BMPR1B: variants seen among roughly 807,000 people sequenced by gnomAD.
The protein encoded by BMPR1B is bone morphogenetic protein receptor type-1B.
Under a neutral mutation model 59.1 loss-of-function variants are expected in BMPR1B, and 12 were observed. The ratio of observed to expected loss-of-function variants is 0.20; its 90% CI spans 0.13 to 0.33. The LOEUF is 0.33. BMPR1B is among the 10% of genes least tolerant of loss of function. The pLI is 1.00. For missense variants in BMPR1B, 550 were observed against 610.9 expected (o/e 0.90, Z 1.05); for synonymous variants, 237 against 207.3 (o/e 1.14, Z -1.23).
At chr4:95,137,327 A>C (rs959725131) in intron 10 of BMPR1B, among the ~76,000 whole-genome samples, 6 of 152,190 alleles carry the variant, frequency 3.9e-5, no homozygotes, top group Non-Finnish European at 8.8e-5. Context: ...CTTTACTTCC[A>C]ACTATGTGGT....
chr4:94,795,934 A>G (rs1171407612), intron 1 of BMPR1B, among the ~76,000 whole-genome samples: 2 of 151,578 alleles, frequency 1.3e-5, no homozygotes, highest in Non-Finnish European at 2.9e-5. Context: ...CGGTCAGCAA[A>G]TTCAGTCAGG....
intron 1 of BMPR1B, among the ~76,000 whole-genome samples, chr4:94,853,477 A>G (rs1725638776): frequency 6.6e-6 from 1 of 152,182 alleles, no homozygotes; most frequent in African/African-American, 2.4e-5. Flanking sequence ...TATTCTCTCC[A>G]TGAGGATAAT....
At chr4:94,848,904 T>C (rs1455320591) in intron 1 of BMPR1B, among the ~76,000 whole-genome samples, 1 of 152,154 alleles carries the variant, frequency 6.6e-6, no homozygotes, top group Non-Finnish European at 1.5e-5. Flanking sequence ...TTTTTCCAGA[T>C]GACATGATGG....
intron 1 of BMPR1B, among the ~76,000 whole-genome samples, chr4:94,845,591 C>G (rs893903633): frequency 2.0e-5 from 3 of 152,186 alleles, no homozygotes; most frequent in Non-Finnish European, 4.4e-5. Context: ...AGCCACTCGC[C>G]TGGGCCTCCC....
intron 1 of BMPR1B, 47 bp from the exon 2 acceptor site, chr4:94,875,782 CTT>C (rs1180356923): frequency 1.3e-5 from 2 of 152,580 alleles, no homozygotes; most frequent in African/African-American, 4.8e-5. Context: ...AATAATAAAC[CTT>C]TCTCAAGCCA....
intron 2 of BMPR1B, among the ~76,000 whole-genome samples, chr4:94,950,165 C>T (rs1386308592): frequency 1.3e-5 from 2 of 151,962 alleles, no homozygotes; most frequent in East Asian, 1.9e-4. Flanking sequence ...TGTTTAAGTT[C>T]CTTGTAGATT....
At chr4:94,899,782 A>C (rs893075018) in intron 2 of BMPR1B, among the ~76,000 whole-genome samples, 3 of 152,080 alleles carry the variant, frequency 2.0e-5, no homozygotes, top group Admixed American at 6.6e-5. Flanking sequence ...GAGGAAATTA[A>C]AACTTTTCCT....
chr4:95,152,907 AT>A, intron 12 of BMPR1B, 134 bp downstream of exon 12: 1 of 1,142,438 alleles, frequency 8.8e-7, no homozygotes, highest in Non-Finnish European at 1.3e-6. Context: ...CATTGCAGTA[AT>A]TTATATGAAG....
chr4:95,050,479 A>G (rs907016150), intron 3 of BMPR1B, among the ~76,000 whole-genome samples: 2 of 152,150 alleles, frequency 1.3e-5, no homozygotes, highest in Non-Finnish European at 2.9e-5. Context: ...AAAACAAAAA[A>G]AACATTGTTG....
intron 3 of BMPR1B, among the ~76,000 whole-genome samples, chr4:95,030,783 G>T (rs998305113): frequency 1.5e-4 from 23 of 152,050 alleles, no homozygotes; most frequent in Non-Finnish European, 8.8e-5. Context: ...GCTTCAAAGA[G>T]AATAAAATAC....
chr4:95,060,258 A>G (rs1727253433), intron 3 of BMPR1B, among the ~76,000 whole-genome samples: 1 of 152,208 alleles, frequency 6.6e-6, no homozygotes, highest in South Asian at 2.1e-4. Flanking sequence ...TCAAGATAAT[A>G]AAGTTCAGTT....
intron 3 of BMPR1B, among the ~76,000 whole-genome samples, chr4:95,096,621 A>ATT (rs1012783126): frequency 2.5e-4 from 38 of 149,980 alleles, no homozygotes; most frequent in African/African-American, 9.0e-4. Context: ...ATGAGAACCA[A>ATT]TTTTAGAGTG....
chr4:94,955,600 T>C lies in BMPR1B; in HGVS notation c.-112-40440T>C, dbSNP rs564460766. ...AGCAGGTGCATGCTATGCTAGGCATTGTTCCTCATGCTTTACACGTATTAG... is the reference window on the plus strand; with the variant it reads ...AGCAGGTGCATGCTATGCTAGGCATCGTTCCTCATGCTTTACACGTATTAG... On this transcript the variant is annotated intron_variant, in intron 2 of 12. Transcript: ENST00000515059. 8.5e-5 allele frequency among the ~76,000 whole-genome samples: 13 copies of C among 152,134 alleles called. No homozygotes were observed. In the East Asian group the frequency reaches 2.5e-3, roughly 29 times the overall value.
chr4:94,976,760 A>T (rs939360727), intron 2 of BMPR1B, among the ~76,000 whole-genome samples: 2 of 152,170 alleles, frequency 1.3e-5, no homozygotes, highest in African/African-American at 4.8e-5. Flanking sequence ...CTTTCTGTTC[A>T]AAAGGGGGAA....
intron 3 of BMPR1B, among the ~76,000 whole-genome samples, chr4:95,042,903 C>T (rs569616196): frequency 3.3e-5 from 5 of 152,072 alleles, no homozygotes; most frequent in South Asian, 4.1e-4. Flanking sequence ...CGGCCGGGCG[C>T]GGTGGCTCAC....
chr4:94,852,707 TCTC>T (rs1347034468), intron 1 of BMPR1B, among the ~76,000 whole-genome samples: 3 of 152,032 alleles, frequency 2.0e-5, no homozygotes, highest in Non-Finnish European at 2.9e-5. Flanking sequence ...CTGTCTTATT[TCTC>T]CTCCTTAAAA....
chr4:94,942,510 G>C (rs1729556485), intron 2 of BMPR1B, among the ~76,000 whole-genome samples: 1 of 152,100 alleles, frequency 6.6e-6, no homozygotes, highest in Non-Finnish European at 1.5e-5. Flanking sequence ...TTATTAATCA[G>C]CCAAATAAAC....
intron 3 of BMPR1B, among the ~76,000 whole-genome samples, chr4:95,083,949 G>A (rs938613245): frequency 6.6e-6 from 1 of 152,106 alleles, no homozygotes; most frequent in African/African-American, 2.4e-5. Context: ...TCTGTGATTA[G>A]TTTAATTTTG....
At chr4:94,773,022 A>C (rs1190673458) in intron 1 of BMPR1B, among the ~76,000 whole-genome samples, 1 of 152,164 alleles carries the variant, frequency 6.6e-6, no homozygotes, top group African/African-American at 2.4e-5. Context: ...CAGGTCAAAT[A>C]ATTTTTCGTT....
Sources: gnomAD v4.1 joint callset for allele counts (sites outside exome capture counted in the v4.1 genomes callset) on GRCh38, gnomAD v4.1.1 for gene constraint, MANE v1.5 for transcripts, NCBI Gene and HGNC (gene_info 2026-07-23, HGNC 2026-07-21) for gene names.